The following RAD51B variants were observed in gnomAD, a reference collection of about 807,000 sequenced individuals.
RAD51B encodes RAD51 paralog B.
Under a neutral mutation model 42.2 loss-of-function variants are expected in RAD51B, and 38 were observed. The ratio of observed to expected loss-of-function variants is 0.90; its 90% CI spans 0.70 to 1.18. The LOEUF is 1.18. Ranked by LOEUF, RAD51B falls within the 50% of genes most tolerant of loss-of-function variation. RAD51B has a pLI of 0.00. For synonymous variants in RAD51B, 154 were observed against 145.2 expected (o/e 1.06, Z -0.43); for missense variants, 373 against 400.7 (o/e 0.93, Z 0.59).
At chr14:68,351,083 C>T in intron 8 of RAD51B, among the ~76,000 whole-genome samples, 1 of 152,138 alleles carries the variant, frequency 6.6e-6, no homozygotes. Context: ...GGGACAGTGG[C>T]AGTGGTAGGA....
chr14:68,151,612 T>TG (rs1555364668), intron 7 of RAD51B, among the ~76,000 whole-genome samples: 7 of 150,806 alleles, frequency 4.6e-5, no homozygotes, highest in Admixed American at 3.3e-4. Context: ...TCTTGGTTTT[T>TG]TGTGTGTGTG....
intron 5 of RAD51B, among the ~76,000 whole-genome samples, chr14:67,883,401 C>A (rs1230329014): frequency 6.8e-6 from 1 of 147,956 alleles, no homozygotes; most frequent in African/African-American, 2.5e-5. Flanking sequence ...TCTTTGTTTT[C>A]TTTTATTCTC....
chr14:67,906,593 G>C (rs1292883227), intron 7 of RAD51B, among the ~76,000 whole-genome samples: 1 of 151,810 alleles, frequency 6.6e-6, no homozygotes, highest in African/African-American at 2.4e-5. Flanking sequence ...TCTGTTTAGG[G>C]TTTCAATTTC....
intron 10 of RAD51B, among the ~76,000 whole-genome samples, chr14:68,604,799 T>G (rs1453547998): frequency 8.6e-6 from 1 of 116,408 alleles, no homozygotes; most frequent in East Asian, 2.4e-4. Flanking sequence ...ACTTTTGTAT[T>G]CTGGGAGCCT....
chr14:68,520,927 T>C (rs1484873974), intron 10 of RAD51B, among the ~76,000 whole-genome samples: 1 of 152,188 alleles, frequency 6.6e-6, no homozygotes, highest in African/African-American at 2.4e-5. Flanking sequence ...ATCAAGAACA[T>C]GTCCATGGAG....
intron 10 of RAD51B, among the ~76,000 whole-genome samples, chr14:68,539,718 C>T (rs904552351): frequency 6.6e-6 from 1 of 152,246 alleles, no homozygotes; most frequent in African/African-American, 2.4e-5. Flanking sequence ...GGAGGGCAGC[C>T]ACACAGTGCA....
At chr14:68,508,629 C>A in intron 10 of RAD51B, among the ~76,000 whole-genome samples, 1 of 152,248 alleles carries the variant, frequency 6.6e-6, no homozygotes, top group Non-Finnish European at 1.5e-5. Flanking sequence ...GTCTCCACCC[C>A]AGGCCTGGTC....
chr14:68,538,452 T>A (rs1369154868), intron 10 of RAD51B, among the ~76,000 whole-genome samples: 1 of 152,218 alleles, frequency 6.6e-6, no homozygotes, highest in African/African-American at 2.4e-5. Flanking sequence ...GGAAGGCATA[T>A]TTTTTCATTG....
At position 68,340,821 on chromosome 14, in the gene RAD51B, G is replaced by A. The variant is rs571573721; in HGVS notation, c.853+48841G>A. 3.9e-5 allele frequency among the ~76,000 whole-genome samples: 6 copies of A among 152,330 alleles called. No individual in the cohort carries two copies. In the South Asian group the frequency reaches 1.2e-3, roughly 32 times the overall value. On this transcript the variant is annotated intron_variant, in intron 8 of 10. Transcript: ENST00000471583. ...GACATCCATGACGCTTGGCTCTCTA[G>A]GACATTGAAATCTGGTTAGGGAAGT...
intron 7 of RAD51B, among the ~76,000 whole-genome samples, chr14:67,893,490 ACACACAC>A (rs1566945213): frequency 3.9e-5 from 3 of 76,438 alleles, no homozygotes; most frequent in Admixed American, 1.1e-4. Context: ...ACACACACAC[ACACACAC>A]ACACACACAC....
At chr14:68,341,982 T>G (rs1166800919) in intron 8 of RAD51B, among the ~76,000 whole-genome samples, 1 of 152,200 alleles carries the variant, frequency 6.6e-6, no homozygotes, top group African/African-American at 2.4e-5. Context: ...TGACATATTG[T>G]GTATAGTGTA....
intron 7 of RAD51B, among the ~76,000 whole-genome samples, chr14:67,925,304 C>G (rs569339065): frequency 3.3e-5 from 5 of 152,204 alleles, no homozygotes; most frequent in South Asian, 4.1e-4. Context: ...CAGAGTCTCG[C>G]TCTGTCACCA....
intron 7 of RAD51B, among the ~76,000 whole-genome samples, chr14:68,066,119 T>C (rs915643668): frequency 2.0e-5 from 3 of 152,098 alleles, no homozygotes; most frequent in African/African-American, 7.2e-5. Context: ...AATATTATTT[T>C]ATATTTATAC....
chr14:68,365,193 C>T (rs17105469), intron 8 of RAD51B, among the ~76,000 whole-genome samples: 3,216 of 152,280 alleles, frequency 0.021, 54 homozygotes, highest in East Asian at 0.048. Flanking sequence ...TCAGCTTTAA[C>T]GCCAGAGCTT....
intron 7 of RAD51B, among the ~76,000 whole-genome samples, chr14:67,976,319 T>G (rs1247423796): frequency 6.6e-6 from 1 of 152,092 alleles, no homozygotes; most frequent in Non-Finnish European, 1.5e-5. Flanking sequence ...GGTCTCCCTA[T>G]GTTGCCCAGG....
chr14:67,885,016 A>T (rs907198600), intron 5 of RAD51B, among the ~76,000 whole-genome samples: 1 of 152,196 alleles, frequency 6.6e-6, no homozygotes, highest in Non-Finnish European at 1.5e-5. Flanking sequence ...AAAATATAGG[A>T]TGCTTTTTGA....
At position 68,608,441 on chromosome 14, in the gene RAD51B, G is replaced by A. The variant is rs566938952; in HGVS notation, c.1037-2565G>A. Among the ~76,000 whole-genome samples, 4 of 152,324 alleles carry A rather than the reference G, an allele frequency of 2.6e-5. No homozygotes were observed. The South Asian group carries it at 8.3e-4, about 32-fold the overall frequency. ...AGATGCTCGGCTTCAGAGGGGCCTT[G>A]CTTGAGCGTGGTGAGGAAGTCCCGG... On this transcript the variant is annotated intron_variant, in intron 10 of 10. Transcript: ENST00000487861.
At chr14:68,224,884 G>T (rs1269819492) in intron 7 of RAD51B, among the ~76,000 whole-genome samples, 2 of 151,860 alleles carry the variant, frequency 1.3e-5, no homozygotes, top group East Asian at 3.9e-4. Context: ...GTAGAGACGG[G>T]GTTTCACCAT....
chr14:67,916,878 G>A (rs1011704866), intron 7 of RAD51B, among the ~76,000 whole-genome samples: 12 of 152,188 alleles, frequency 7.9e-5, no homozygotes, highest in Non-Finnish European at 1.3e-4. Flanking sequence ...CCATTCTAAT[G>A]GTAGAGGACG....
Sources: allele counts gnomAD v4.1 joint callset (sites outside exome capture counted in the v4.1 genomes callset), GRCh38; gene constraint gnomAD v4.1.1; transcripts MANE v1.5; gene names NCBI Gene and HGNC (gene_info 2026-07-23, HGNC 2026-07-21).